The following ITGA11 variants were observed in gnomAD, a reference collection of about 807,000 sequenced individuals.
ITGA11 encodes the protein integrin subunit alpha 11.
ITGA11 carries 97 observed loss-of-function variants against 141.9 expected under a neutral mutation model. The ratio of observed to expected loss-of-function variants is 0.68; its 90% CI spans 0.58 to 0.81. The LOEUF (loss-of-function observed/expected upper bound fraction) is 0.81, where lower values mean the gene tolerates loss of function less well. ITGA11 is among the 30% of genes least tolerant of loss of function. The pLI is 0.00. For synonymous variants in ITGA11, 658 were observed against 624.6 expected (o/e 1.05, Z -0.80); for missense variants, 1,387 against 1,559.2 (o/e 0.89, Z 1.86).
chr15:68,351,838 T>C (rs1595873133), intron 7 of ITGA11, among the ~76,000 whole-genome samples: 1 of 152,002 alleles, frequency 6.6e-6, no homozygotes, highest in Non-Finnish European at 1.5e-5. Context: ...GTCCTAGCAC[T>C]GTGGGAGCCG....
At chr15:68,413,843 C>T (rs778433509) in intron 1 of ITGA11, among the ~76,000 whole-genome samples, 2 of 152,172 alleles carry the variant, frequency 1.3e-5, no homozygotes, top group African/African-American at 2.4e-5. Flanking sequence ...CGGAGCCATG[C>T]GCATTTAGGA....
At chr15:68,400,556 A>T (rs888696641) in intron 2 of ITGA11, among the ~76,000 whole-genome samples, 2 of 115,524 alleles carry the variant, frequency 1.7e-5, no homozygotes, top group African/African-American at 6.6e-5. Flanking sequence ...TATATATATA[A>T]TATATATAAT....
In ITGA11 at chr15:68,412,710, C is replaced by T. The variant is rs1896803700; in HGVS notation, c.53-9681G>A. Among the ~76,000 whole-genome samples the T allele has an allele frequency of 8.3e-5, 9 of 108,092 alleles. No individual in the cohort carries two copies. In the South Asian group the frequency reaches 2.6e-3, roughly 32 times the overall value. 70.9% of individuals were successfully genotyped at this position (108,092 alleles called of 152,430 possible). A position where few individuals can be genotyped will look rare whatever the true frequency, so the allele number is the denominator to read the frequency against. The stretch of plus-strand genomic sequence containing the variant: ...TTTTTTTTTGAGACAGAGTCTCGTT[C>T]TGTCACCCAGACTGGAGTACAATGG... On this transcript the variant is annotated intron_variant, in intron 1 of 29. Coordinates refer to ENST00000315757, the MANE Select transcript of ITGA11 (RefSeq NM_001004439.2).
chr15:68,367,841 A>G (rs887165809), intron 3 of ITGA11, among the ~76,000 whole-genome samples: 3 of 152,242 alleles, frequency 2.0e-5, no homozygotes, highest in Non-Finnish European at 4.4e-5. Context: ...ATGGACACAC[A>G]GCAAAGAATT....
At chr15:68,380,978 A>T (rs1895848167) in intron 2 of ITGA11, among the ~76,000 whole-genome samples, 1 of 152,064 alleles carries the variant, frequency 6.6e-6, no homozygotes, top group African/African-American at 2.4e-5. Flanking sequence ...GGTTGCCCCT[A>T]CCTGCTTTCT....
rs1409392377 is a variant in ITGA11, at chr15:68,301,589, T to G, written c.*1470A>C. ...AATGGTGGATGAGTCCCTTCTGACA[T>G]GTAGAGGTAGGGGGGAGGAAGCAAG... On this transcript the variant is annotated 3_prime_UTR_variant, in exon 30 of 30. Coordinates refer to ENST00000315757, the MANE Select transcript of ITGA11 (RefSeq NM_001004439.2). This position sits in a 1 kb window ranked among gnomAD's most constrained non-coding sequence, Gnocchi z 4.4. 1 of 152,198 alleles carries G rather than the reference T, an allele frequency of 6.6e-6. No homozygotes were observed. The highest frequency in any genetic ancestry group is 1.5e-5 in the Non-Finnish European group (1 of 68,060). The allele number at this position is 152,198 out of a possible 1,614,324, so 9.4% of individuals were successfully genotyped here.
At chr15:68,426,796 C>T (rs1897153821) in intron 1 of ITGA11, among the ~76,000 whole-genome samples, 1 of 151,982 alleles carries the variant, frequency 6.6e-6, no homozygotes, top group East Asian at 1.9e-4. Context: ...AGGCAGATCA[C>T]CTGAGGTTGG....
intron 23 of ITGA11, 122 bp from the exon 24 acceptor site, chr15:68,312,985 T>A: frequency 1.5e-6 from 1 of 659,644 alleles, no homozygotes; most frequent in Non-Finnish European, 2.7e-6. Context: ...AGGTTCCCGC[T>A]TGTGTCGGCT....
At chr15:68,341,461 G>A (rs755192166) in intron 10 of ITGA11, among the ~76,000 whole-genome samples, 2 of 152,244 alleles carry the variant, frequency 1.3e-5, no homozygotes, top group Non-Finnish European at 2.9e-5. Context: ...AGCCGTTGAG[G>A]TTCAGAGGGG....
Position 68,326,572 on chromosome 15 carries a change from C to T in ITGA11, c.2211+82G>A. 6.9e-7 allele frequency: 1 copy of T among 1,443,776 alleles called. No individual in the cohort carries two copies. The highest frequency in any genetic ancestry group is 9.3e-7 in the Non-Finnish European group (1 of 1,076,824). 89.4% of individuals were successfully genotyped at this position (1,443,776 alleles called of 1,614,324 possible). A position where few individuals can be genotyped will look rare whatever the true frequency, so the allele number is the denominator to read the frequency against. On this transcript the variant is annotated intron_variant, in intron 17 of 29. Transcript: ENST00000315757. The surrounding 1 kb of genome is among the most constrained non-coding windows in gnomAD (Gnocchi z 6.8). ...AGGTCTGCTGGGGGCTTAGAACCAG[C>T]CAGGCAGACTCTCTGCCTCTCCCAC...
Position 68,358,554 on chromosome 15 carries a change from G to C in ITGA11, c.504C>G (p.Val168=). ...RCQTYMDIVI[V]LDGSNSIYPW... is the part of the protein sequence containing the mutation. ...GGTAGATGCTGTTGGAGCCATCCAG[G>C]ACAATGACGATGTCCATGTAGGTCT... The change falls in exon 6 of 30, where the codon GTC becomes GTG. Residue 168 remains valine (V), a synonymous_variant. Coordinates refer to ENST00000315757, the MANE Select transcript of ITGA11 (RefSeq NM_001004439.2). The C allele has an allele frequency of 6.2e-7, 1 of 1,613,996 alleles. No individual in the cohort carries two copies. The highest frequency in any genetic ancestry group is 8.5e-7 in the Non-Finnish European group (1 of 1,179,948).
chr15:68,334,704 A>G (rs1894289534), intron 12 of ITGA11, among the ~76,000 whole-genome samples: 1 of 152,154 alleles, frequency 6.6e-6, no homozygotes, highest in African/African-American at 2.4e-5. Flanking sequence ...GGTCACCGCG[A>G]TTTGGAATTC....
chr15:68,412,031 C>T (rs1896782173), intron 1 of ITGA11, among the ~76,000 whole-genome samples: 1 of 152,092 alleles, frequency 6.6e-6, no homozygotes, highest in African/African-American at 2.4e-5. Context: ...TAGCTTGGAC[C>T]AGTTCACTCC....
rs948118543 is a variant in ITGA11 at position 68,326,923 on chromosome 15, G to A, written c.2069-127C>T. 1 of 1,018,476 alleles carries A rather than the reference G, an allele frequency of 9.8e-7. No individual in the cohort carries two copies. Among genetic ancestry groups the A allele is most frequent in the African/African-American group, 1.6e-5 (1 of 61,384 alleles). 63.1% of individuals were successfully genotyped at this position (1,018,476 alleles called of 1,614,324 possible). ...TGTTCCTTTCCTCTCACGAGCCCCAGTGTGGGTGAGAAACTCCCACATGGA... is the reference window on the plus strand; with the variant it reads ...TGTTCCTTTCCTCTCACGAGCCCCAATGTGGGTGAGAAACTCCCACATGGA... On this transcript the variant is annotated intron_variant, in intron 16 of 29. Coordinates refer to ENST00000315757, the MANE Select transcript of ITGA11 (RefSeq NM_001004439.2). This position sits in a 1 kb window ranked among gnomAD's most constrained non-coding sequence, Gnocchi z 6.8.
intron 1 of ITGA11, among the ~76,000 whole-genome samples, chr15:68,426,835 C>T (rs867548430): frequency 4.4e-4 from 66 of 151,614 alleles, no homozygotes; most frequent in Non-Finnish European, 1.5e-4. Flanking sequence ...GTCAACATGG[C>T]GAAAACCCAT....
At chr15:68,347,968 C>T (rs1894790649) in intron 10 of ITGA11, among the ~76,000 whole-genome samples, 1 of 152,066 alleles carries the variant, frequency 6.6e-6, no homozygotes, top group Non-Finnish European at 1.5e-5. Flanking sequence ...GCACCTGGGA[C>T]ACCTGTCTGT....
At chr15:68,344,284 C>T (rs1334522937) in intron 10 of ITGA11, among the ~76,000 whole-genome samples, 1 of 152,102 alleles carries the variant, frequency 6.6e-6, no homozygotes, top group Non-Finnish European at 1.5e-5. Context: ...TTGTTTAGGT[C>T]TAGGGGGGCA....
chr15:68,392,171 T>C (rs1896137544), intron 2 of ITGA11, among the ~76,000 whole-genome samples: 1 of 152,196 alleles, frequency 6.6e-6, no homozygotes, highest in Non-Finnish European at 1.5e-5. Flanking sequence ...TATGTAGTGA[T>C]GGGAAGGGAT....
At chr15:68,351,477 G>A in intron 7 of ITGA11, 75 bp from the exon 8 acceptor site, 1 of 1,520,852 alleles carries the variant, frequency 6.6e-7, no homozygotes, top group Non-Finnish European at 8.9e-7. Flanking sequence ...CCTGCAGAGG[G>A]GCAGCCACAG....
Sources: allele counts gnomAD v4.1 joint callset (sites outside exome capture counted in the v4.1 genomes callset), GRCh38; gene constraint gnomAD v4.1.1; non-coding constraint Gnocchi (gnomAD v3.1); transcripts MANE v1.5; gene names NCBI Gene and HGNC (gene_info 2026-07-23, HGNC 2026-07-21).